Variants in ASCC1 observed in about 807,000 individuals in gnomAD.
ASCC1 encodes activating signal cointegrator 1 complex subunit 1, also known as ASC-1 complex subunit P50.
A neutral mutation model predicts 46.6 loss-of-function variants in ASCC1; 35 were observed. The observed-to-expected ratio is 0.75, with a 90% CI of 0.57 to 0.99. The LOEUF is 0.99. Among genes scored for constraint, ASCC1 ranks in the 50% least tolerant of loss-of-function variants. The pLI, the probability that ASCC1 is intolerant of heterozygous loss-of-function variation, is 0.00. For missense variants in ASCC1, 376 were observed against 428.7 expected, an observed-to-expected ratio of 0.88 and a Z score of 1.09; for synonymous variants, 143 against 146.6, an observed-to-expected ratio of 0.98 and a Z score of 0.18.
chr10:72,198,813 A>C (rs2133320018), intron 4 of ASCC1: 1 of 393,662 alleles, frequency 2.5e-6, no homozygotes, highest in South Asian at 1.9e-5. Context: ...AAGATCAATA[A>C]GCCAGTTTAT....
At chr10:72,195,872 A>G (rs1855348978) in intron 5 of ASCC1, among the ~76,000 whole-genome samples, 1 of 152,044 alleles carries the variant, frequency 6.6e-6, no homozygotes, top group East Asian at 1.9e-4. Context: ...AGACACATTG[A>G]TACACACACA....
chr10:72,127,146 T>A (rs1001272071), intron 9 of ASCC1, among the ~76,000 whole-genome samples: 2 of 152,232 alleles, frequency 1.3e-5, no homozygotes, highest in Admixed American at 6.5e-5. Context: ...TCTGACGTTA[T>A]CATATACTCC....
chr10:72,184,305 G>T (rs1280663596), intron 5 of ASCC1, among the ~76,000 whole-genome samples: 1 of 151,790 alleles, frequency 6.6e-6, no homozygotes, highest in Non-Finnish European at 1.5e-5. Flanking sequence ...CTCACCCATA[G>T]CTAGAATTAC....
At position 72,164,661 on chromosome 10, in the gene ASCC1, G is replaced by T. The variant is rs79623869; in HGVS notation, c.490-2987C>A. ...AGGGTATATACCCAGGAGGAGAACT[G>T]CTGGGTCACATGGCAATTCTATGTT... On this transcript the variant is annotated intron_variant, in intron 5 of 9. Coordinates refer to ENST00000672957, the MANE Select transcript of ASCC1 (RefSeq NM_001198800.3). Among the ~76,000 whole-genome samples, 953 of 152,310 alleles carry T rather than the reference G, an allele frequency of 6.3e-3. 6 individuals carry two copies. Among genetic ancestry groups the T allele is most frequent in the African/African-American group, 0.022 (908 of 41,544 alleles).
chr10:72,141,980 T>C (rs1291903131), intron 7 of ASCC1, among the ~76,000 whole-genome samples: 2 of 152,208 alleles, frequency 1.3e-5, no homozygotes, highest in Non-Finnish European at 2.9e-5. Flanking sequence ...ATTGTCTCTG[T>C]AGCTGGGGTA....
intron 5 of ASCC1, among the ~76,000 whole-genome samples, chr10:72,172,135 G>T (rs1377981527): frequency 3.3e-5 from 5 of 151,970 alleles, no homozygotes; most frequent in East Asian, 1.9e-4. Context: ...TAAGCACAAG[G>T]CTGGGTGCAG....
chr10:72,100,409 TAG>T (rs889685406), intron 9 of ASCC1, among the ~76,000 whole-genome samples: 15 of 152,220 alleles, frequency 9.9e-5, no homozygotes, highest in African/African-American at 3.6e-4. Flanking sequence ...TATTTTTCAG[TAG>T]AGACGGGGTT....
intron 8 of ASCC1, among the ~76,000 whole-genome samples, chr10:72,131,465 C>T (rs889999585): frequency 2.0e-4 from 31 of 151,856 alleles, no homozygotes; most frequent in Non-Finnish European, 4.1e-4. Context: ...CACACACACA[C>T]ACACACACAC....
At position 72,152,568 on chromosome 10, in the gene ASCC1, C is replaced by T. The variant is rs1177992229; in HGVS notation, c.746+301G>A. ...CCACATTAGCCTGGTGCAGGGTGCG[C>T]GCCTATAGTCCCAGCTACTTGAGAG... On this transcript the variant is annotated intron_variant, in intron 7 of 9. Coordinates refer to ENST00000672957, the MANE Select transcript of ASCC1 (RefSeq NM_001198800.3). Among the ~76,000 whole-genome samples the T allele has an allele frequency of 5.3e-5, 8 of 152,188 alleles. No homozygotes were observed. In the East Asian group the frequency reaches 1.2e-3, roughly 22 times the overall value.
intron 5 of ASCC1, among the ~76,000 whole-genome samples, chr10:72,176,247 A>C (rs1388040612): frequency 6.6e-6 from 1 of 151,974 alleles, no homozygotes. Context: ...TTGGTGCCCA[A>C]CTCCTTACCT....
intron 5 of ASCC1, among the ~76,000 whole-genome samples, chr10:72,172,887 A>T (rs1311151951): frequency 1.5e-5 from 2 of 129,738 alleles, no homozygotes; most frequent in Non-Finnish European, 3.2e-5. Flanking sequence ...TTATATTTTT[A>T]TATTATATAT....
chr10:72,206,569 T>C (rs1020336200), intron 3 of ASCC1, among the ~76,000 whole-genome samples: 1 of 152,118 alleles, frequency 6.6e-6, no homozygotes, highest in South Asian at 2.1e-4. Flanking sequence ...CTAACGTTAG[T>C]AGATTAAGCA....
intron 9 of ASCC1, chr10:72,102,225 G>T: frequency 1.1e-6 from 1 of 877,306 alleles, no homozygotes; most frequent in Non-Finnish European, 1.8e-6. Flanking sequence ...GGTCCAATGG[G>T]TGTATATGAG....
intron 5 of ASCC1, among the ~76,000 whole-genome samples, chr10:72,171,431 C>CTT (rs113830754): frequency 6.7e-6 from 1 of 148,186 alleles, no homozygotes; most frequent in South Asian, 2.1e-4. Context: ...CTGATTTCCT[C>CTT]TTTTTTTTTT....
intron 4 of ASCC1, chr10:72,198,346 GGGA>G: frequency 1.6e-5 from 1 of 61,928 alleles, no homozygotes; most frequent in Admixed American, 2.6e-4. Flanking sequence ...GAGAGGGGAG[GGGA>G]GGGGAGGGGA....
rs183275812 is a variant in ASCC1, at chr10:72,097,177, G to T, written c.*157C>A. ...ACCATCTCAGCTGGTAGTATGACGG[G>T]TGTAGACACCATTAGAGGCAATGGT... On this transcript the variant is annotated 3_prime_UTR_variant, in exon 10 of 10. Transcript: ENST00000672957. The T allele has an allele frequency of 1.8e-5, 13 of 729,112 alleles. No homozygotes were observed. The Admixed American group carries it at 2.1e-4, about 12-fold the overall frequency. 45.2% of individuals were successfully genotyped at this position (729,112 alleles called of 1,614,324 possible).
intron 5 of ASCC1, among the ~76,000 whole-genome samples, chr10:72,180,592 T>C (rs980814020): frequency 2.0e-5 from 3 of 151,926 alleles, no homozygotes; most frequent in South Asian, 2.1e-4. Context: ...CACCACTGCA[T>C]TCCAGCCTGA....
At chr10:72,172,432 A>G (rs7904286) in intron 5 of ASCC1, among the ~76,000 whole-genome samples, 7,018 of 146,706 alleles carry the variant, frequency 0.048, 589 homozygotes, top group African/African-American at 0.16. Flanking sequence ...AAAAAAAAAA[A>G]AAAGAAAAAC....
intron 5 of ASCC1, among the ~76,000 whole-genome samples, chr10:72,176,613 A>G (rs1851887048): frequency 6.6e-6 from 1 of 152,008 alleles, no homozygotes; most frequent in Non-Finnish European, 1.5e-5. Context: ...CCAAAGTGTT[A>G]AGATTACAGG....
Sources: allele counts gnomAD v4.1 joint callset (sites outside exome capture counted in the v4.1 genomes callset), GRCh38; gene constraint gnomAD v4.1.1; transcripts MANE v1.5; gene names NCBI Gene and HGNC (gene_info 2026-07-23, HGNC 2026-07-21).